The following MORC4 variants were observed in gnomAD, a reference collection of about 807,000 sequenced individuals.
MORC4 encodes the protein MORC family CW-type zinc finger protein 4.
A neutral mutation model predicts 65.5 loss-of-function variants in MORC4; 22 were observed. The ratio of observed to expected loss-of-function variants is 0.34; its 90% CI spans 0.24 to 0.48. The LOEUF (loss-of-function observed/expected upper bound fraction) is 0.48, where lower values mean the gene tolerates loss of function less well. Among genes scored for constraint, MORC4 ranks in the 20% least tolerant of loss-of-function variants. MORC4 has a pLI of 0.99. For missense variants in MORC4, 624 were observed against 703.0 expected (o/e 0.89, Z 1.27); for synonymous variants, 267 against 255.8 (o/e 1.04, Z -0.42).
chrX:106,966,127 T>C (rs757657365), intron 9 of MORC4, among the ~76,000 whole-genome samples: 4 of 112,144 alleles, frequency 3.6e-5, no homozygotes, highest in Non-Finnish European at 5.6e-5. Context: ...AGGACTTGAT[T>C]ACTTGGGAAA....
chrX:106,968,133 T>C (rs1041112171), intron 9 of MORC4, among the ~76,000 whole-genome samples: 5 of 111,788 alleles, frequency 4.5e-5, no homozygotes, highest in African/African-American at 1.6e-4. Context: ...AGAAACCCTA[T>C]AAGCCAGAAG....
At chrX:106,945,621 G>C (rs1448335683) in intron 14 of MORC4, among the ~76,000 whole-genome samples, 1 of 110,815 alleles carries the variant, frequency 9.0e-6, no homozygotes, top group African/African-American at 3.3e-5. Context: ...TTACTTATTG[G>C]TTCTATACTT....
rs1555987438 is a variant in MORC4 at position 106,976,668 on chromosome X, C to T, written c.1073G>A (p.Gly358Asp). The T allele has an allele frequency of 8.3e-7, 1 of 1,199,194 alleles. No individual in the cohort carries two copies. The highest frequency in any genetic ancestry group is 1.1e-6 in the Non-Finnish European group (1 of 886,255). ...CTCAATGACTCCAATTACTCCTACACCTTCTCCACGAGTTGGCTTAGAAGA... is the reference window on the plus strand; with the variant it reads ...CTCAATGACTCCAATTACTCCTACATCTTCTCCACGAGTTGGCTTAGAAGA... ...GCQVKPTRGE[G>D]VGVIGVIECN... is the part of the protein sequence containing the mutation. Residue 358 changes from glycine (G) to aspartate (D), a missense_variant, in exon 9 of 17, where the codon GGT (glycine) becomes GAT (aspartate). By Grantham distance (94) the Gly-to-Asp change is moderately conservative. Coordinates refer to ENST00000355610, the MANE Select transcript of MORC4 (RefSeq NM_024657.5).
chrX:106,987,568 G>T (rs1435684346), intron 3 of MORC4, among the ~76,000 whole-genome samples: 6 of 111,431 alleles, frequency 5.4e-5, no homozygotes, highest in Non-Finnish European at 9.4e-5. Flanking sequence ...TACAGATTAG[G>T]TGCTTCTCAA....
At chrX:106,984,643 A>ATT (rs900657419) in intron 5 of MORC4, among the ~76,000 whole-genome samples, 3 of 98,066 alleles carry the variant, frequency 3.1e-5, no homozygotes, top group African/African-American at 1.2e-4. Flanking sequence ...TAATTTTTGT[A>ATT]TTTTTTTTTT....
chrX:106,966,961 A>G, intron 9 of MORC4, among the ~76,000 whole-genome samples: 1 of 112,208 alleles, frequency 8.9e-6, no homozygotes, highest in Non-Finnish European at 1.9e-5. Flanking sequence ...TGGTTCTCCA[A>G]GCACAGCGTT....
At chrX:106,961,379 C>A (rs1398334641) in intron 10 of MORC4, among the ~76,000 whole-genome samples, 1 of 111,844 alleles carries the variant, frequency 8.9e-6, no homozygotes. Context: ...TGATCCAGAC[C>A]GTAAATGTGT....
In MORC4 at chrX:106,990,371, T is replaced by C. The variant is rs188290276; in HGVS notation, c.308+2859A>G. Among the ~76,000 whole-genome samples the C allele has an allele frequency of 2.1e-4, 23 of 109,588 alleles. No individual in the cohort carries two copies. In the Admixed American group the frequency reaches 2.1e-3, roughly 10 times the overall value. ...TCCTGGGTTCAAGCAATCCTCCCAC[T>C]TCAGCCTCCCGAGTAGCAGGGACTA... On this transcript the variant is annotated intron_variant, in intron 3 of 16. Coordinates refer to ENST00000355610, the MANE Select transcript of MORC4 (RefSeq NM_024657.5).
At chrX:106,986,674 T>C (rs994389637) in intron 3 of MORC4, among the ~76,000 whole-genome samples, 1 of 111,964 alleles carries the variant, frequency 8.9e-6, no homozygotes, top group Non-Finnish European at 1.9e-5. Flanking sequence ...CCTGTTTATA[T>C]CATCCTCTAG....
intron 9 of MORC4, among the ~76,000 whole-genome samples, chrX:106,969,236 A>C (rs1024709596): frequency 1.8e-5 from 2 of 112,214 alleles, no homozygotes; most frequent in African/African-American, 6.5e-5. Context: ...GTGGGTAAAT[A>C]ATGAAATGAA....
intron 9 of MORC4, among the ~76,000 whole-genome samples, chrX:106,965,118 T>C (rs1934344366): frequency 8.9e-6 from 1 of 112,350 alleles, no homozygotes; most frequent in Non-Finnish European, 1.9e-5. Flanking sequence ...TTTAAAAGGC[T>C]AATCCATTAC....
At chrX:106,983,376 A>G (rs1487649799) in intron 5 of MORC4, among the ~76,000 whole-genome samples, 1 of 112,302 alleles carries the variant, frequency 8.9e-6, no homozygotes, top group Non-Finnish European at 1.9e-5. Flanking sequence ...TGTTAAGTAC[A>G]GTACTCTCTA....
intron 14 of MORC4, among the ~76,000 whole-genome samples, chrX:106,946,237 C>T (rs776188452): frequency 2.7e-5 from 3 of 112,340 alleles, no homozygotes; most frequent in Non-Finnish European, 5.6e-5. Context: ...AAACCTCCTA[C>T]ACATCAGCAG....
intron 9 of MORC4, among the ~76,000 whole-genome samples, chrX:106,971,639 A>G (rs1437869778): frequency 2.7e-5 from 3 of 112,475 alleles, no homozygotes; most frequent in Non-Finnish European, 5.6e-5. Context: ...AAACAACCCC[A>G]TCAAAAAATG....
At chrX:106,985,338 A>G (rs1252114985) in intron 4 of MORC4, 95 bp from the exon 5 acceptor site, 1 of 607,108 alleles carries the variant, frequency 1.6e-6, no homozygotes. Flanking sequence ...ACAAAACTAT[A>G]GACATACAGC....
chrX:106,978,662 A>G (rs945579779), intron 7 of MORC4, among the ~76,000 whole-genome samples: 2 of 111,101 alleles, frequency 1.8e-5, no homozygotes, highest in Admixed American at 9.6e-5. Flanking sequence ...AGACTGTAAG[A>G]AAAGATACCT....
At chrX:106,965,538 G>A (rs1472635275) in intron 9 of MORC4, among the ~76,000 whole-genome samples, 1 of 111,781 alleles carries the variant, frequency 8.9e-6, no homozygotes, top group Non-Finnish European at 1.9e-5. Flanking sequence ...ACAAAGATAC[G>A]ATATAATGAA....
Position 106,978,119 on chromosome X carries a change from T to C in MORC4, c.1017A>G (p.Arg339=). ...CCACCTTCTCAAAAGATTTTATGAG[T>C]CGGTTGTTATGATACATCATTATTC... ...QFGIMMYHNN[R]LIKSFEKVGC... is the part of the protein sequence containing the mutation. Residue 339 remains arginine, a synonymous_variant, in exon 8 of 17, where the codon CGA becomes CGG. Coordinates refer to ENST00000355610, the MANE Select transcript of MORC4 (RefSeq NM_024657.5). 1 of 1,208,442 alleles carries C rather than the reference T, an allele frequency of 8.3e-7. No individual in the cohort carries two copies. The highest frequency in any genetic ancestry group is 1.1e-6 in the Non-Finnish European group (1 of 893,201).
chrX:106,990,332 C>A (rs1934956769), intron 3 of MORC4, among the ~76,000 whole-genome samples: 1 of 110,151 alleles, frequency 9.1e-6, no homozygotes, highest in South Asian at 4.0e-4. Context: ...TCTCAGCTCA[C>A]TGCAACCTCC....
Sources: gnomAD v4.1 joint callset for allele counts (sites outside exome capture counted in the v4.1 genomes callset) on GRCh38, gnomAD v4.1.1 for gene constraint, MANE v1.5 for transcripts, NCBI Gene and HGNC (gene_info 2026-07-23, HGNC 2026-07-21) for gene names.